The following UTRN variants were observed in gnomAD, a reference collection of about 807,000 sequenced individuals.
UTRN encodes utrophin.
In UTRN, 283 loss-of-function variants were observed where a neutral mutation model predicts 463.9. The observed-to-expected ratio is 0.61, with a 90% CI of 0.55 to 0.67. The LOEUF (loss-of-function observed/expected upper bound fraction) is 0.67, where lower values mean the gene tolerates loss of function less well. UTRN is among the 30% of genes least tolerant of loss of function. The probability of loss-of-function intolerance (pLI) is 0.00; values close to 1 mark genes in which losing one functional copy is unlikely to be tolerated. For missense variants in UTRN, 3,922 were observed against 4,084.3 expected (o/e 0.96, Z 1.08); for synonymous variants, 1,442 against 1,431.5 (o/e 1.01, Z -0.17).
chr6:144,643,420 C>T (rs1207563341), intron 51 of UTRN, among the ~76,000 whole-genome samples: 3 of 152,082 alleles, frequency 2.0e-5, no homozygotes, highest in Admixed American at 2.0e-4. Context: ...TTAACGTTTT[C>T]CTGTAAGAGA....
chr6:144,845,056 CT>C (rs1021575217), intron 73 of UTRN, among the ~76,000 whole-genome samples: 2 of 152,198 alleles, frequency 1.3e-5, no homozygotes, highest in Non-Finnish European at 2.9e-5. Context: ...GCACATAACA[CT>C]TTAGAACTCC....
At chr6:144,586,272 C>G (rs1483572566) in intron 51 of UTRN, among the ~76,000 whole-genome samples, 1 of 152,012 alleles carries the variant, frequency 6.6e-6, no homozygotes, top group Non-Finnish European at 1.5e-5. Flanking sequence ...CTCCCACAAT[C>G]TATTTACACA....
rs1240207741 is a variant in UTRN, at chr6:144,485,533, A to G, written c.3822+14A>G. 2.5e-6 allele frequency: 4 copies of G among 1,613,906 alleles called. No homozygotes were observed. The highest frequency in any genetic ancestry group is 3.3e-5 in the Admixed American group (2 of 59,998). ...GAAGCCCTGGAGGTTGGAACCCGTG[A>G]TCTCCACGGCATTTCTCTTTGCTGT... On this transcript the variant is annotated intron_variant, in intron 28 of 74. Transcript: ENST00000367545.
intron 51 of UTRN, among the ~76,000 whole-genome samples, chr6:144,663,504 C>T (rs996218606): frequency 3.3e-5 from 5 of 152,056 alleles, no homozygotes; most frequent in African/African-American, 1.2e-4. Context: ...GCATTGTGTA[C>T]TGTATTTCTT....
chr6:144,642,180 G>A (rs182917007), intron 51 of UTRN, among the ~76,000 whole-genome samples: 1 of 152,184 alleles, frequency 6.6e-6, no homozygotes, highest in East Asian at 1.9e-4. Context: ...CTTTAATTTA[G>A]ACTACTTATA....
intron 2 of UTRN, among the ~76,000 whole-genome samples, chr6:144,294,312 C>T (rs1225890991): frequency 6.6e-6 from 1 of 152,040 alleles, no homozygotes; most frequent in African/African-American, 2.4e-5. Flanking sequence ...TTTGAATGGA[C>T]CCATTAGTCC....
chr6:144,807,881 A>C (rs1778283140), intron 65 of UTRN, among the ~76,000 whole-genome samples: 1 of 152,160 alleles, frequency 6.6e-6, no homozygotes, highest in Non-Finnish European at 1.5e-5. Flanking sequence ...AAGCCAGATG[A>C]GCTCGTATCT....
intron 51 of UTRN, among the ~76,000 whole-genome samples, chr6:144,650,889 A>G (rs182731746): frequency 6.2e-4 from 94 of 152,254 alleles, no homozygotes; most frequent in Non-Finnish European, 1.2e-3. Context: ...AGCCTGAGCG[A>G]CAGAGCAAGA....
At position 144,846,791 on chromosome 6, in the gene UTRN, G is replaced by C. The variant is rs1368201934; in HGVS notation, c.10271-14G>C. ...GGACTGCCATTAAGTGATTTCTTTTGTTTTCTCTTTCAGCAAATGTTCCCA... is the reference window on the plus strand; with the variant it reads ...GGACTGCCATTAAGTGATTTCTTTTCTTTTCTCTTTCAGCAAATGTTCCCA... On this transcript the variant is annotated splice_polypyrimidine_tract_variant and intron_variant, in intron 73 of 74. Transcript: ENST00000367545. The C allele has an allele frequency of 6.2e-7, 1 of 1,613,934 alleles. No individual in the cohort carries two copies. The highest frequency in any genetic ancestry group is 2.2e-5 in the East Asian group (1 of 44,822).
At chr6:144,788,170 T>C (rs1776446371) in intron 61 of UTRN, among the ~76,000 whole-genome samples, 1 of 152,184 alleles carries the variant, frequency 6.6e-6, no homozygotes, top group Non-Finnish European at 1.5e-5. Flanking sequence ...AACTATGTTC[T>C]AATGTTGATT....
intron 61 of UTRN, among the ~76,000 whole-genome samples, chr6:144,782,913 G>A (rs953289155): frequency 6.6e-6 from 1 of 151,944 alleles, no homozygotes; most frequent in Admixed American, 6.6e-5. Flanking sequence ...AACTAGAACT[G>A]GGCTGGGCAC....
intron 2 of UTRN, chr6:144,398,778 T>C (rs1443014975): frequency 6.5e-6 from 1 of 154,278 alleles, no homozygotes; most frequent in African/African-American, 2.4e-5. Context: ...TGGGAAGACA[T>C]GGTCCACTTG....
intron 53 of UTRN, among the ~76,000 whole-genome samples, chr6:144,718,849 G>A (rs751637083): frequency 5.9e-5 from 9 of 152,232 alleles, no homozygotes; most frequent in Non-Finnish European, 1.3e-4. Context: ...AGGGAGTGTG[G>A]TGAATGCTGG....
At chr6:144,666,839 T>C (rs370232498) in intron 51 of UTRN, among the ~76,000 whole-genome samples, 2 of 152,192 alleles carry the variant, frequency 1.3e-5, no homozygotes, top group East Asian at 1.9e-4. Flanking sequence ...GGGCCAGCTA[T>C]GCAGTCCTGT....
At chr6:144,780,093 A>T (rs1175944056) in intron 60 of UTRN, among the ~76,000 whole-genome samples, 1 of 152,228 alleles carries the variant, frequency 6.6e-6, no homozygotes, top group Non-Finnish European at 1.5e-5. Context: ...CACATTTCAT[A>T]CATGTCTTTA....
chr6:144,788,595 C>T (rs112087366), intron 61 of UTRN, among the ~76,000 whole-genome samples: 3,099 of 145,998 alleles, frequency 0.021, 119 homozygotes, highest in African/African-American at 0.075. Flanking sequence ...GATGGAGTCT[C>T]GCTCTGTCAC....
intron 2 of UTRN, among the ~76,000 whole-genome samples, chr6:144,357,565 A>G (rs566570549): frequency 6.6e-6 from 1 of 152,322 alleles, no homozygotes; most frequent in East Asian, 1.9e-4. Context: ...CCATTTTCCT[A>G]TTAACAGGAT....
chr6:144,832,945 G>A (rs564507265), intron 69 of UTRN, among the ~76,000 whole-genome samples: 31 of 151,978 alleles, frequency 2.0e-4, no homozygotes, highest in East Asian at 1.2e-3. Flanking sequence ...TCAGCCTCCC[G>A]AGTAGCTGGG....
At chr6:144,339,745 G>A (rs2473156) in intron 2 of UTRN, among the ~76,000 whole-genome samples, 106,318 of 152,026 alleles carry the variant, frequency 0.7, 38,560 homozygotes, top group African/African-American at 0.91. Flanking sequence ...AAATCGAGTA[G>A]AATTTCAGTC....
Sources: gnomAD v4.1 joint callset for allele counts (sites outside exome capture counted in the v4.1 genomes callset) on GRCh38, gnomAD v4.1.1 for gene constraint, MANE v1.5 for transcripts, NCBI Gene and HGNC (gene_info 2026-07-23, HGNC 2026-07-21) for gene names.